Variants in FOXN2 observed in about 807,000 individuals in gnomAD.
FOXN2 encodes the protein forkhead box protein N2.
A neutral mutation model predicts 41.2 loss-of-function variants in FOXN2; 19 were observed. That is an observed-to-expected ratio of 0.46 (90% CI 0.32 to 0.68). The LOEUF (loss-of-function observed/expected upper bound fraction) is 0.68. Among genes scored for constraint, FOXN2 ranks in the 30% least tolerant of loss-of-function variants. The pLI is 0.03. For synonymous variants in FOXN2, 195 were observed against 176.8 expected (o/e 1.10, Z -0.82); for missense variants, 587 against 509.4 (o/e 1.15, Z -1.47).
In FOXN2 at chr2:48,373,332, T is replaced by G. The variant is rs150135671; in HGVS notation, c.744T>G (p.Asn248Lys). 17 of 1,591,078 alleles carry G rather than the reference T, an allele frequency of 1.1e-5. 1 individual carries two copies. The South Asian group carries it at 1.5e-4, about 14-fold the overall frequency. Residue 248 changes from asparagine to lysine, a missense_variant, in exon 6 of 7, where the codon AAT (asparagine) becomes AAG (lysine). Physicochemically the swap from Asn to Lys is moderately conservative, Grantham distance 94 (BLOSUM62 0). Transcript: ENST00000340553. ...CTGCTGCTGCAATGATGCTTTTAAA[T>G]ACTTCTATAGAACAAGGAATTTTAG... Reference protein sequence around the residue: ...IDAAAAMMLLNTSIEQGILEC... With the variant: ...IDAAAAMMLLKTSIEQGILEC...
chr2:48,342,855 A>T (rs940696542), intron 2 of FOXN2, among the ~76,000 whole-genome samples: 1 of 152,192 alleles, frequency 6.6e-6, no homozygotes, highest in East Asian at 1.9e-4. Flanking sequence ...TAATGTCAAT[A>T]CTTGGTTTTT....
intron 2 of FOXN2, 21 bp from the exon 3 acceptor site, chr2:48,346,180 T>C: frequency 6.5e-7 from 1 of 1,540,134 alleles, no homozygotes; most frequent in Non-Finnish European, 8.7e-7. Context: ...ATTACATTGA[T>C]AATTGTTTCC....
chr2:48,372,686 A>G (rs1672983710), intron 5 of FOXN2, among the ~76,000 whole-genome samples: 1 of 152,140 alleles, frequency 6.6e-6, no homozygotes, highest in African/African-American at 2.4e-5. Flanking sequence ...TGGAGTATCC[A>G]TTTGACTTCA....
intron 4 of FOXN2, among the ~76,000 whole-genome samples, chr2:48,361,853 A>G (rs1024124565): frequency 1.3e-5 from 2 of 152,214 alleles, no homozygotes; most frequent in African/African-American, 2.4e-5. Context: ...AAAATCAGGA[A>G]CATACCTGTT....
At chr2:48,354,560 A>G (rs1259191894) in intron 3 of FOXN2, among the ~76,000 whole-genome samples, 1 of 152,228 alleles carries the variant, frequency 6.6e-6, no homozygotes, top group African/African-American at 2.4e-5. Context: ...AGACTGTGCC[A>G]CTGCACTCCA....
intron 1 of FOXN2, among the ~76,000 whole-genome samples, chr2:48,320,716 T>C (rs192233029): frequency 1.2e-4 from 18 of 152,360 alleles, no homozygotes; most frequent in Admixed American, 8.5e-4. Flanking sequence ...CATTAATCTT[T>C]GTACTACAAT....
intron 2 of FOXN2, among the ~76,000 whole-genome samples, chr2:48,343,043 A>G (rs184678257): frequency 1.3e-5 from 2 of 152,312 alleles, no homozygotes; most frequent in Non-Finnish European, 2.9e-5. Flanking sequence ...CTGATTTTTG[A>G]GTATGTTACG....
At chr2:48,357,431 C>T (rs187531367) in intron 3 of FOXN2, among the ~76,000 whole-genome samples, 68 of 151,746 alleles carry the variant, frequency 4.5e-4, no homozygotes, top group Admixed American at 1.4e-3. Flanking sequence ...AGTAATGCTG[C>T]GTATCTTTTC....
Position 48,361,013 on chromosome 2 carries a change from C to CA in FOXN2, c.639-1616dup, listed in dbSNP as rs10719302. ...TGGGTGACAGACTGAGACCCCATCT[C>CA]AAAAAAAAAAAAAAGATTATATGAA... On this transcript the variant is annotated intron_variant, in intron 4 of 6. Coordinates refer to ENST00000340553, the MANE Select transcript of FOXN2 (RefSeq NM_002158.4). Among the ~76,000 whole-genome samples, 635 of 126,830 alleles carry CA rather than the reference C, an allele frequency of 5.0e-3. 5 individuals carry two copies. Among genetic ancestry groups the CA allele is most frequent in the Middle Eastern group, 0.033 (7 of 210 alleles). 83.2% of individuals were successfully genotyped at this position (126,830 alleles called of 152,430 possible). A position where few individuals can be genotyped will look rare whatever the true frequency, so the allele number is the denominator to read the frequency against.
chr2:48,377,652 A>C lies in FOXN2; in HGVS notation c.*2209A>C, dbSNP rs1355997813. 11 of 152,056 alleles carry C rather than the reference A, an allele frequency of 7.2e-5. No homozygotes were observed. The highest frequency in any genetic ancestry group is 1.3e-4 in the Non-Finnish European group (9 of 67,912). 9.4% of individuals were successfully genotyped at this position (152,056 alleles called of 1,614,324 possible). On this transcript the variant is annotated 3_prime_UTR_variant, in exon 7 of 7. Coordinates refer to ENST00000340553, the MANE Select transcript of FOXN2 (RefSeq NM_002158.4). ...CTCTTCCCACGAATTTAAATGTTTA[A>C]GTTATATTCATCACTAGCAAGGATG...
rs1317715373 is a variant in FOXN2 at position 48,375,449 on chromosome 2, C to G, written c.*6C>G. 6.3e-7 allele frequency: 1 copy of G among 1,595,516 alleles called. No homozygotes were observed. Among genetic ancestry groups the G allele is most frequent in the Non-Finnish European group, 8.5e-7 (1 of 1,171,648 alleles). On this transcript the variant is annotated 3_prime_UTR_variant, in exon 7 of 7. Coordinates refer to ENST00000340553, the MANE Select transcript of FOXN2 (RefSeq NM_002158.4). ...AAAAGCAACGGAAAAAATAGAAATA[C>G]TTAAAGTGTGGCAATACTCTTTCAC...
At chr2:48,320,313 T>C (rs985027756) in intron 1 of FOXN2, among the ~76,000 whole-genome samples, 1 of 151,820 alleles carries the variant, frequency 6.6e-6, no homozygotes, top group African/African-American at 2.4e-5. Flanking sequence ...TATTTTGAGA[T>C]GGAGTTGTGC....
At chr2:48,315,667 A>T (rs544389135) in intron 1 of FOXN2, among the ~76,000 whole-genome samples, 106 of 152,268 alleles carry the variant, frequency 7.0e-4, no homozygotes, top group African/African-American at 2.4e-3. Context: ...GGTGGTAGTT[A>T]GCGGAAAGCA....
chr2:48,342,853 A>G (rs546917336), intron 2 of FOXN2, among the ~76,000 whole-genome samples: 14 of 152,350 alleles, frequency 9.2e-5, no homozygotes, highest in Admixed American at 4.6e-4. Context: ...AATAATGTCA[A>G]TACTTGGTTT....
intron 2 of FOXN2, chr2:48,340,927 G>T (rs1359988446): frequency 6.6e-6 from 1 of 152,142 alleles, no homozygotes; most frequent in Non-Finnish European, 1.5e-5. Context: ...TTGCTAAAGT[G>T]TATAGTACAT....
chr2:48,325,479 GAATA>G (rs1669599399), intron 1 of FOXN2, among the ~76,000 whole-genome samples: 1 of 152,130 alleles, frequency 6.6e-6, no homozygotes, highest in Non-Finnish European at 1.5e-5. Context: ...AGTGTATGTG[GAATA>G]AATACCGAAA....
At chr2:48,338,206 C>T (rs530612482) in intron 2 of FOXN2, among the ~76,000 whole-genome samples, 37 of 152,110 alleles carry the variant, frequency 2.4e-4, no homozygotes, top group Non-Finnish European at 4.3e-4. Flanking sequence ...GATATCTCAT[C>T]GATCAGAGAA....
chr2:48,339,101 T>G (rs1264557969), intron 2 of FOXN2, among the ~76,000 whole-genome samples: 2 of 152,194 alleles, frequency 1.3e-5, no homozygotes, highest in Non-Finnish European at 2.9e-5. Flanking sequence ...TGTTCATATA[T>G]ATCTATACAT....
intron 2 of FOXN2, among the ~76,000 whole-genome samples, chr2:48,339,588 G>C (rs555239310): frequency 6.6e-6 from 1 of 152,054 alleles, no homozygotes; most frequent in Non-Finnish European, 1.5e-5. Context: ...GTGTAGAAAC[G>C]GACTAATACA....
Sources: allele counts gnomAD v4.1 joint callset (sites outside exome capture counted in the v4.1 genomes callset), GRCh38; gene constraint gnomAD v4.1.1; transcripts MANE v1.5; gene names NCBI Gene and HGNC (gene_info 2026-07-23, HGNC 2026-07-21).